PDE10A: variants seen among roughly 807,000 people sequenced by gnomAD.
PDE10A encodes the protein cAMP and cAMP-inhibited cGMP 3',5'-cyclic phosphodiesterase 10A.
A neutral mutation model predicts 97.7 loss-of-function variants in PDE10A; 39 were observed. The observed-to-expected ratio is 0.40, with a 90% confidence interval of 0.31 to 0.52. The LOEUF (loss-of-function observed/expected upper bound fraction) is 0.52. PDE10A is among the 20% of genes least tolerant of loss of function. PDE10A has a pLI of 0.56. For missense variants in PDE10A, 731 were observed against 1,047.8 expected (o/e 0.70, Z 4.17); for synonymous variants, 371 against 376.8 (o/e 0.98, Z 0.18).
At position 165,805,345 on chromosome 6, in the gene PDE10A, C is replaced by T. The variant is rs1275055291; in HGVS notation, c.-615+182184G>A. Among the ~76,000 whole-genome samples the T allele has an allele frequency of 2.6e-5, 4 of 152,142 alleles. No individual in the cohort carries two copies. The East Asian group carries it at 7.8e-4, about 30-fold the overall frequency. ...GGCTGGCAGATCCGGGGCGTCACTTCTCTCCCAGGGCCCCGGAGGGAGGCG... is the reference window on the plus strand; with the variant it reads ...GGCTGGCAGATCCGGGGCGTCACTTTTCTCCCAGGGCCCCGGAGGGAGGCG... On this transcript the variant is annotated intron_variant, in intron 1 of 19. Transcript: ENST00000366882.
rs935920484 is a variant in PDE10A, at chr6:165,725,824, C to A, written c.-614-182256G>T. 4.6e-5 allele frequency among the ~76,000 whole-genome samples: 7 copies of A among 152,148 alleles called. 1 individual carries two copies. Among genetic ancestry groups the A allele is most frequent in the East Asian group, 3.9e-4 (2 of 5,186 alleles). On this transcript the variant is annotated intron_variant, in intron 1 of 19. Transcript: ENST00000366882. Reference sequence around the variant, plus strand: ...CTTTCTGCCCCTAGCAAGCACAAGACGTATCCAACTTGTCCTCCCAGCTCC... The same window carrying A: ...CTTTCTGCCCCTAGCAAGCACAAGAAGTATCCAACTTGTCCTCCCAGCTCC...
chr6:165,872,505 G>A (rs560985968), intron 1 of PDE10A, among the ~76,000 whole-genome samples: 1 of 152,290 alleles, frequency 6.6e-6, no homozygotes, highest in African/African-American at 2.4e-5. Flanking sequence ...TGCAGTGTGG[G>A]GGGAATTGTC....
intron 2 of PDE10A, among the ~76,000 whole-genome samples, chr6:165,530,259 C>T (rs1396022349): frequency 1.8e-4 from 17 of 92,088 alleles, no homozygotes; most frequent in Non-Finnish European, 5.1e-5. Context: ...AAGTAAAATC[C>T]TCTTTATATA....
chr6:165,899,209 AG>A (rs1782036296), intron 1 of PDE10A, among the ~76,000 whole-genome samples: 1 of 152,194 alleles, frequency 6.6e-6, no homozygotes, highest in African/African-American at 2.4e-5. Context: ...GCCAGAATCT[AG>A]GTATTTTATT....
rs139810959 is a variant in PDE10A, at chr6:165,802,679, C to T, written c.-615+184850G>A. 8.2e-3 allele frequency among the ~76,000 whole-genome samples: 1,253 copies of T among 152,298 alleles called. 5 individuals are homozygous for T. The highest frequency in any genetic ancestry group is 0.014 in the Admixed American group (210 of 15,296). On this transcript the variant is annotated intron_variant, in intron 1 of 19. Transcript: ENST00000366882. Reference sequence around the variant, plus strand: ...TATCAGCTTCCTGGACAACCTGGTCCGTTCCACACATATGGGGTCTGCAAG... The same window carrying T: ...TATCAGCTTCCTGGACAACCTGGTCTGTTCCACACATATGGGGTCTGCAAG...
chr6:165,734,466 A>G (rs1434802648), intron 1 of PDE10A, among the ~76,000 whole-genome samples: 3 of 152,226 alleles, frequency 2.0e-5, no homozygotes, highest in African/African-American at 7.2e-5. Context: ...ATCTATAGGT[A>G]TTTTTGAAAT....
At chr6:165,477,989 C>A (rs1779388154) in intron 3 of PDE10A, among the ~76,000 whole-genome samples, 1 of 152,204 alleles carries the variant, frequency 6.6e-6, no homozygotes, top group African/African-American at 2.4e-5. Flanking sequence ...CTTTTCTCCA[C>A]AGACAAGCTC....
At chr6:165,401,374 T>A (rs1786649833) in intron 13 of PDE10A, among the ~76,000 whole-genome samples, 1 of 152,362 alleles carries the variant, frequency 6.6e-6, no homozygotes, top group South Asian at 2.1e-4. Context: ...TTAATGTCAC[T>A]GGCAACTTGA....
At chr6:165,342,685 A>T (rs1318285371) in intron 19 of PDE10A, among the ~76,000 whole-genome samples, 2 of 152,236 alleles carry the variant, frequency 1.3e-5, no homozygotes, top group African/African-American at 4.8e-5. Context: ...GGTACTCAAA[A>T]GATTTACAGC....
chr6:165,980,079 G>T (rs1055903020), intron 1 of PDE10A, among the ~76,000 whole-genome samples: 1 of 152,190 alleles, frequency 6.6e-6, no homozygotes, highest in African/African-American at 2.4e-5. Context: ...AAAAAAAGTT[G>T]TCTTATGAAT....
At chr6:165,885,878 C>G (rs1294560849) in intron 1 of PDE10A, among the ~76,000 whole-genome samples, 1 of 152,200 alleles carries the variant, frequency 6.6e-6, no homozygotes, top group African/African-American at 2.4e-5. Flanking sequence ...AATAAAATAA[C>G]CTGTTATGCT....
chr6:165,826,793 G>A (rs1399348667), intron 1 of PDE10A, among the ~76,000 whole-genome samples: 1 of 151,936 alleles, frequency 6.6e-6, no homozygotes, highest in African/African-American at 2.4e-5. Context: ...GGACGCACAG[G>A]GGGAGGCTGG....
intron 1 of PDE10A, among the ~76,000 whole-genome samples, chr6:165,697,078 T>C (rs1791460733): frequency 6.6e-6 from 1 of 152,070 alleles, no homozygotes; most frequent in South Asian, 2.1e-4. Flanking sequence ...ATACATATCA[T>C]GGAAGTACCA....
At chr6:165,572,748 A>C (rs1785108030) in intron 1 of PDE10A, among the ~76,000 whole-genome samples, 1 of 152,160 alleles carries the variant, frequency 6.6e-6, no homozygotes, top group African/African-American at 2.4e-5. Flanking sequence ...AGGTGGGAGG[A>C]TCACCTGAGC....
chr6:165,895,678 C>T (rs1373546520), intron 1 of PDE10A, among the ~76,000 whole-genome samples: 2 of 152,192 alleles, frequency 1.3e-5, no homozygotes, highest in Non-Finnish European at 2.9e-5. Flanking sequence ...CAAGCCTGCA[C>T]GTGCCCAAGT....
In PDE10A at chr6:165,334,783, C is replaced by T. The variant is rs1020583901; in HGVS notation, c.3065+1340G>A. Among the ~76,000 whole-genome samples, 4 of 152,004 alleles carry T rather than the reference C, an allele frequency of 2.6e-5. No homozygotes were observed. The South Asian group carries it at 6.2e-4, about 24-fold the overall frequency. On this transcript the variant is annotated intron_variant, in intron 21 of 21. Coordinates refer to ENST00000539869, the MANE Select transcript of PDE10A (RefSeq NM_001385079.1). ...CTCAACAGAACAAGGTGGGATGCTA[C>T]GTTTATATCCACAGGAGCAGGAAGG...
intron 13 of PDE10A, 21 bp downstream of exon 13, chr6:165,413,480 T>C: frequency 6.5e-7 from 1 of 1,538,046 alleles, no homozygotes; most frequent in South Asian, 1.2e-5. Context: ...TAAAAAATGG[T>C]ATTTAATAAA....
intron 1 of PDE10A, among the ~76,000 whole-genome samples, chr6:165,635,519 C>T (rs1258625255): frequency 6.6e-6 from 1 of 152,132 alleles, no homozygotes; most frequent in Non-Finnish European, 1.5e-5. Context: ...GCACGACCAT[C>T]ACAGCGGATT....
intron 1 of PDE10A, chr6:165,660,123 G>A (rs1391678025): frequency 2.6e-5 from 4 of 152,322 alleles, no homozygotes; most frequent in Non-Finnish European, 4.4e-5. Context: ...CACCAGATAG[G>A]GGACCAGGAG....
Sources: allele counts gnomAD v4.1 joint callset (sites outside exome capture counted in the v4.1 genomes callset), GRCh38; gene constraint gnomAD v4.1.1; transcripts MANE v1.5; gene names NCBI Gene and HGNC (gene_info 2026-07-23, HGNC 2026-07-21).